The following AIFM1 variants were observed in gnomAD, a reference collection of about 807,000 sequenced individuals.
The protein encoded by AIFM1 is apoptosis-inducing factor 1, mitochondrial.
In AIFM1, 3 loss-of-function variants were observed where a neutral mutation model predicts 51.7. The ratio of observed to expected loss-of-function variants is 0.06; its 90% CI spans 0.03 to 0.15. The LOEUF is 0.15. Ranked by LOEUF, AIFM1 falls within the 10% of genes least tolerant of loss-of-function variation. The probability of loss-of-function intolerance (pLI) is 1.00; values close to 1 mark genes in which losing one functional copy is unlikely to be tolerated. For missense variants in AIFM1, 330 were observed against 476.8 expected (o/e 0.69, Z 2.87); for synonymous variants, 178 against 179.4 (o/e 0.99, Z 0.06).
At chrX:130,164,835 T>C (rs2031476960) in intron 1 of AIFM1, among the ~76,000 whole-genome samples, 1 of 111,974 alleles carries the variant, frequency 8.9e-6, no homozygotes, top group Non-Finnish European at 1.9e-5. Flanking sequence ...TTCACCTCTC[T>C]GTGCCTCAGT....
In AIFM1 at chrX:130,135,439, T is replaced by TTAA. The variant is rs33994471; in HGVS notation, c.1305+605_1305+606insTTA. Among the ~76,000 whole-genome samples the TTAA allele has an allele frequency of 5.7e-3, 413 of 72,924 alleles. 8 individuals are homozygous for TTAA. Among genetic ancestry groups the TTAA allele is most frequent in the East Asian group, 0.051 (122 of 2,411 alleles). 63.3% of individuals were successfully genotyped at this position (72,924 alleles called of 115,157 possible). On this transcript the variant is annotated intron_variant, in intron 12 of 15. Transcript: ENST00000287295. The stretch of plus-strand genomic sequence containing the variant: ...AAGATCCAGTACATCTTTTTTTTTT[T>TTAA]AAAAAAAAAAAAAAAAACAAGGTTT...
chrX:130,156,586 A>G lies in AIFM1; in HGVS notation c.124T>C (p.Trp42Arg). The part of the protein sequence containing the change: ...NRLPGNLFQR[W>R]HVPLELQMTR... ...ATCTGGAGTTCTAGAGGAACATGCC[A>G]TCGCTGGAACAAGTTGCCTAAGAAA... The change falls in exon 2 of 16, where the codon TGG (tryptophan) becomes CGG (arginine). Residue 42 changes from tryptophan to arginine, a missense_variant. Physicochemically the swap from Trp to Arg is moderately radical, Grantham distance 101 (BLOSUM62 -3). Transcript: ENST00000287295. The G allele has an allele frequency of 8.3e-7, 1 of 1,211,903 alleles. No homozygotes were observed. The highest frequency in any genetic ancestry group is 1.8e-5 in the South Asian group (1 of 56,995).
chrX:130,150,075 T>C (rs1161771443), intron 2 of AIFM1, among the ~76,000 whole-genome samples: 1 of 111,141 alleles, frequency 9.0e-6, no homozygotes, highest in Non-Finnish European at 1.9e-5. Context: ...CTGTATTCTA[T>C]TTTTAGAGAG....
chrX:130,146,792 C>T (rs752263909), intron 5 of AIFM1, among the ~76,000 whole-genome samples: 17 of 111,402 alleles, frequency 1.5e-4, no homozygotes, highest in African/African-American at 5.6e-4. Flanking sequence ...ATTCTAAATG[C>T]CTGCTAGGCT....
In AIFM1 at chrX:130,136,124, G is replaced by C; in HGVS notation, c.1226C>G (p.Thr409Ser). ...ATCTGAGTCTATTTCCAGGCCACCA[G>C]TCTTGGCCAACTCAACATTGGGCTC... Reference protein sequence around the residue: ...GLEPNVELAKTGGLEIDSDFG... With the variant: ...GLEPNVELAKSGGLEIDSDFG... Residue 409 changes from threonine to serine, a missense_variant, in exon 12 of 16, where the codon ACT (threonine) becomes AGT (serine). Around this residue, in one of 4 missense-constraint regions of AIFM1, gnomAD observed 152 missense variants for 292.8 expected, o/e 0.52. Coordinates refer to ENST00000287295, the MANE Select transcript of AIFM1 (RefSeq NM_004208.4). 1 of 1,211,751 alleles carries C rather than the reference G, an allele frequency of 8.3e-7. No individual in the cohort carries two copies. Among genetic ancestry groups the C allele is most frequent in the East Asian group, 3.0e-5 (1 of 33,863 alleles).
At chrX:130,129,723 A>G in intron 15 of AIFM1, 95 bp from the exon 16 acceptor site, 1 of 873,934 alleles carries the variant, frequency 1.1e-6, no homozygotes, top group Non-Finnish European at 1.7e-6. Flanking sequence ...TCCCCATATC[A>G]CACTGGGAGG....
intron 13 of AIFM1, among the ~76,000 whole-genome samples, chrX:130,132,963 T>C (rs1187946039): frequency 9.0e-6 from 1 of 111,000 alleles, no homozygotes; most frequent in Non-Finnish European, 1.9e-5. Flanking sequence ...GTCAGGCTGG[T>C]CTCAAACTCC....
intron 1 of AIFM1, among the ~76,000 whole-genome samples, chrX:130,163,624 T>C (rs1235305155): frequency 8.9e-6 from 1 of 112,209 alleles, no homozygotes; most frequent in Non-Finnish European, 1.9e-5. Context: ...AGTCCGAATA[T>C]ATTCTACAGT....
chrX:130,133,535 C>T (rs2030193685), intron 12 of AIFM1, 80 bp from the exon 13 acceptor site: 1 of 1,099,166 alleles, frequency 9.1e-7, no homozygotes, highest in Non-Finnish European at 1.2e-6. Flanking sequence ...ACTTTGGGGG[C>T]TCAAAGAACA....
intron 3 of AIFM1, 89 bp downstream of exon 3, chrX:130,149,380 C>G (rs1319055674): frequency 2.9e-5 from 22 of 754,212 alleles, no homozygotes; most frequent in Non-Finnish European, 2.5e-5. Flanking sequence ...ATTGCTTCTA[C>G]AAGACATCCA....
At chrX:130,159,603 T>A (rs1359246059) in intron 1 of AIFM1, among the ~76,000 whole-genome samples, 1 of 110,818 alleles carries the variant, frequency 9.0e-6, no homozygotes, top group Non-Finnish European at 1.9e-5. Flanking sequence ...TAAAAATAAA[T>A]TTTTTTTGTT....
At chrX:130,156,852 A>G (rs1032080040) in intron 1 of AIFM1, among the ~76,000 whole-genome samples, 3 of 111,914 alleles carry the variant, frequency 2.7e-5, no homozygotes, top group Non-Finnish European at 3.8e-5. Flanking sequence ...AGCTTCCAGA[A>G]AAGATCATGA....
chrX:130,155,275 G>T, intron 2 of AIFM1: 1 of 1,210,615 alleles, frequency 8.3e-7, no homozygotes, highest in Non-Finnish European at 1.1e-6. Flanking sequence ...CCTAGGTGAT[G>T]AGACTGCACA....
chrX:130,153,178 C>CAAAAAAAA (rs34591824), intron 2 of AIFM1, among the ~76,000 whole-genome samples: 729 of 43,523 alleles, frequency 0.017, no homozygotes, highest in African/African-American at 0.022. Context: ...ACTAAAAATA[C>CAAAAAAAA]AAAAAAAAAA....
Position 130,136,123 on chromosome X carries a change from A to C in AIFM1, c.1227T>G (p.Thr409=), listed in dbSNP as rs61730898. Residue 409 remains threonine (T), a synonymous_variant, in exon 12 of 16, where the codon ACT becomes ACG. Coordinates refer to ENST00000287295, the MANE Select transcript of AIFM1 (RefSeq NM_004208.4). ...GLEPNVELAK[T]GGLEIDSDFG... is the part of the protein sequence containing the mutation. ...AATCTGAGTCTATTTCCAGGCCACC[A>C]GTCTTGGCCAACTCAACATTGGGCT... The C allele has an allele frequency of 3.2e-4, 386 of 1,210,236 alleles. 2 individuals are homozygous for C. The African/African-American group carries it at 6.2e-3, about 19-fold the overall frequency.
At chrX:130,156,148 G>A (rs2031155687) in intron 2 of AIFM1, among the ~76,000 whole-genome samples, 1 of 111,999 alleles carries the variant, frequency 8.9e-6, no homozygotes, top group Admixed American at 9.5e-5. Flanking sequence ...TCACAGGTTA[G>A]TGTGTGACAT....
intron 2 of AIFM1, among the ~76,000 whole-genome samples, chrX:130,154,184 T>C (rs2031090616): frequency 8.9e-6 from 1 of 112,141 alleles, no homozygotes; most frequent in South Asian, 3.6e-4. Flanking sequence ...CAGAGTACAA[T>C]GAGGCATTTA....
intron 2 of AIFM1, among the ~76,000 whole-genome samples, chrX:130,152,143 A>G (rs182671455): frequency 8.9e-6 from 1 of 111,955 alleles, no homozygotes; most frequent in East Asian, 2.8e-4. Flanking sequence ...AAGAAAAAAA[A>G]GAAAAGTTTT....
rs989775741 is a variant in AIFM1, at chrX:130,147,640, C to T, written c.475-17G>A. 8.3e-7 allele frequency: 1 copy of T among 1,210,410 alleles called. No individual in the cohort carries two copies. Among genetic ancestry groups the T allele is most frequent in the Non-Finnish European group, 1.1e-6 (1 of 895,418 alleles). On this transcript the variant is annotated splice_polypyrimidine_tract_variant and intron_variant, in intron 4 of 15. Coordinates refer to ENST00000287295, the MANE Select transcript of AIFM1 (RefSeq NM_004208.4). The stretch of plus-strand genomic sequence containing the variant: ...AATCAGTACCTTCAGACATAAAAAT[C>T]ATGACGCTTATCAGAGCCAAGTCAT...
Sources: gnomAD v4.1 joint callset for allele counts (sites outside exome capture counted in the v4.1 genomes callset) on GRCh38, gnomAD v4.1.1 for gene constraint, gnomAD v4.1.1 regional missense constraint, MANE v1.5 for transcripts, NCBI Gene and HGNC (gene_info 2026-07-23, HGNC 2026-07-21) for gene names.